Variants in RERG observed in about 807,000 individuals in gnomAD.
RERG encodes the protein ras-related and estrogen-regulated growth inhibitor.
RERG carries 25 observed loss-of-function variants against 23.2 expected under a neutral mutation model. The ratio of observed to expected loss-of-function variants is 1.08; its 90% CI spans 0.79 to 1.50. The LOEUF (loss-of-function observed/expected upper bound fraction) is 1.50. Among genes scored for constraint, RERG ranks in the 40% most tolerant of loss-of-function variants. The pLI, the probability that RERG is intolerant of heterozygous loss-of-function variation, is 0.00. For missense variants in RERG, 253 were observed against 250.1 expected (o/e 1.01, Z -0.08); for synonymous variants, 81 against 89.1 (o/e 0.91, Z 0.51).
intron 2 of RERG, among the ~76,000 whole-genome samples, chr12:15,177,309 C>T (rs577862182): frequency 4.6e-5 from 7 of 152,182 alleles, no homozygotes; most frequent in South Asian, 2.1e-4. Context: ...AAAAATTCAC[C>T]GGATGTGGTG....
At chr12:15,208,547 G>C (rs906887278) in intron 2 of RERG, among the ~76,000 whole-genome samples, 1 of 152,108 alleles carries the variant, frequency 6.6e-6, no homozygotes, top group Non-Finnish European at 1.5e-5. Flanking sequence ...TGAGGCTCTA[G>C]AGGTATAATG....
chr12:15,151,041 T>C (rs1289620537), intron 2 of RERG, among the ~76,000 whole-genome samples: 1 of 152,234 alleles, frequency 6.6e-6, no homozygotes, highest in Non-Finnish European at 1.5e-5. Context: ...CTTAATGCCA[T>C]GCTCCCCTTT....
chr12:15,188,213 G>C lies in RERG; in HGVS notation c.61+29216C>G, dbSNP rs114674815. ...GTTCATGTATTTCCAGCAGTGTTTT[G>C]TTTCTTTCTCACATGGTTGCCTTTA... is the stretch of plus-strand genomic sequence containing the variant. On this transcript the variant is annotated intron_variant, in intron 2 of 4. Transcript: ENST00000256953. Among the ~76,000 whole-genome samples the C allele has an allele frequency of 8.9e-3, 1,347 of 152,202 alleles. 21 individuals are homozygous for C. Among genetic ancestry groups the C allele is most frequent in the African/African-American group, 0.031 (1,276 of 41,540 alleles).
At chr12:15,137,590 T>G (rs1864165453) in intron 2 of RERG, among the ~76,000 whole-genome samples, 1 of 151,850 alleles carries the variant, frequency 6.6e-6, no homozygotes, top group African/African-American at 2.4e-5. Context: ...TGCAAAAAAA[T>G]ATGAATTTAC....
At chr12:15,125,733 C>T (rs1005501471) in intron 2 of RERG, among the ~76,000 whole-genome samples, 11 of 151,776 alleles carry the variant, frequency 7.2e-5, no homozygotes, top group African/African-American at 1.7e-4. Context: ...TTAAGCATGA[C>T]CTCAATTTAA....
chr12:15,132,414 A>G (rs1864064733), intron 2 of RERG, among the ~76,000 whole-genome samples: 1 of 152,192 alleles, frequency 6.6e-6, no homozygotes, highest in South Asian at 2.1e-4. Flanking sequence ...TATTGTATAG[A>G]TATACCACAG....
intron 2 of RERG, among the ~76,000 whole-genome samples, chr12:15,135,908 G>C (rs1864136752): frequency 6.6e-6 from 1 of 152,002 alleles, no homozygotes; most frequent in Non-Finnish European, 1.5e-5. Context: ...GATAATACTG[G>C]CCTCATAGAA....
intron 2 of RERG, among the ~76,000 whole-genome samples, chr12:15,136,958 T>C (rs1223278838): frequency 6.6e-6 from 1 of 151,972 alleles, no homozygotes; most frequent in Non-Finnish European, 1.5e-5. Flanking sequence ...TCCTTACTGA[T>C]TTTCTACCTG....
intron 4 of RERG, 126 bp downstream of exon 4, chr12:15,111,218 A>G (rs1192201445): frequency 4.6e-6 from 3 of 648,784 alleles, no homozygotes; most frequent in Non-Finnish European, 8.2e-6. Context: ...ATGGCTAGTT[A>G]ATTAGAGAAA....
intron 1 of RERG, 146 bp downstream of exon 1, chr12:15,221,049 C>G (rs1245374773): frequency 6.6e-6 from 1 of 152,246 alleles, no homozygotes; most frequent in East Asian, 1.9e-4. Flanking sequence ...GTTCACATCT[C>G]CCTCGCAGCG....
At chr12:15,205,539 C>T (rs1163736315) in intron 2 of RERG, among the ~76,000 whole-genome samples, 1 of 152,020 alleles carries the variant, frequency 6.6e-6, no homozygotes, top group Non-Finnish European at 1.5e-5. Context: ...GCTGAGTCTT[C>T]CTTTAAACCG....
chr12:15,206,914 G>A (rs1221860400), intron 2 of RERG, among the ~76,000 whole-genome samples: 2 of 152,090 alleles, frequency 1.3e-5, no homozygotes, highest in Admixed American at 1.3e-4. Flanking sequence ...GCATGGGAGA[G>A]AGAAACAAGA....
At position 15,221,386 on chromosome 12, in the gene RERG, G is replaced by A. The variant is rs1427417683; in HGVS notation, c.-306C>T. ...TGGCCCGGCGGGGGTCTCCTCACTC[G>A]CGCTCGCTCCGACTAGCGGCGGAGG... On this transcript the variant is annotated 5_prime_UTR_variant, in exon 1 of 5. Transcript: ENST00000256953. 6.6e-6 allele frequency: 1 copy of A among 152,240 alleles called. No individual in the cohort carries two copies. 9.4% of individuals were successfully genotyped at this position (152,240 alleles called of 1,614,324 possible).
At chr12:15,115,557 C>T (rs1020790264) in intron 3 of RERG, among the ~76,000 whole-genome samples, 2 of 152,082 alleles carry the variant, frequency 1.3e-5, no homozygotes, top group African/African-American at 2.4e-5. Context: ...TGAAACAGAG[C>T]GGTATGATTA....
At chr12:15,138,728 T>G (rs547025651) in intron 2 of RERG, among the ~76,000 whole-genome samples, 8 of 152,164 alleles carry the variant, frequency 5.3e-5, no homozygotes, top group Admixed American at 5.2e-4. Context: ...TATGTGTTAT[T>G]TGCTTTGTGA....
At chr12:15,153,949 G>C (rs1239330045) in intron 2 of RERG, among the ~76,000 whole-genome samples, 1 of 152,154 alleles carries the variant, frequency 6.6e-6, no homozygotes, top group Non-Finnish European at 1.5e-5. Flanking sequence ...CACAGAGACA[G>C]ACACACACAG....
Position 15,109,508 on chromosome 12 carries a change from T to C in RERG, c.202A>G (p.Ile68Val). 1.3e-6 allele frequency: 2 copies of C among 1,596,992 alleles called. No individual in the cohort carries two copies. Among genetic ancestry groups the C allele is most frequent in the Non-Finnish European group, 1.7e-6 (2 of 1,169,300 alleles). ...CATCGCATGTGCCCCTCCCTCTGAA[T>C]GGTATCTTCCTGTTGGCAAAGAAAA... ...ILDTAGQEDT[I>V]QREGHMRWGE... The change falls in exon 5 of 5, where the codon ATT becomes GTT. Residue 68 changes from isoleucine to valine, a missense_variant. Physicochemically the swap from Ile to Val is conservative, Grantham distance 29. Coordinates refer to ENST00000256953, the MANE Select transcript of RERG (RefSeq NM_032918.3).
Position 15,214,019 on chromosome 12 carries a change from TGTGTGTGTGTGTGTGTGTGCGC to T in RERG, c.61+3388_61+3409del, listed in dbSNP as rs1428716731. The stretch of plus-strand genomic sequence containing the variant: ...GTATGTGTGTGTGTGTGTGTGTGTG[TGTGTGTGTGTGTGTGTGTGCGC>T]GTGTGTGGAGTTTTTACCTTATAAG... On this transcript the variant is annotated intron_variant, in intron 2 of 4. Coordinates refer to ENST00000256953, the MANE Select transcript of RERG (RefSeq NM_032918.3). Among the ~76,000 whole-genome samples, 104 of 133,142 alleles carry T rather than the reference TGTGTGTGTGTGTGTGTGTGCGC, an allele frequency of 7.8e-4. 1 individual carries two copies. The highest frequency in any genetic ancestry group is 3.2e-3 in the South Asian group (14 of 4,322). 87.3% of individuals were successfully genotyped at this position (133,142 alleles called of 152,430 possible). A position where few individuals can be genotyped will look rare whatever the true frequency, so the allele number is the denominator to read the frequency against.
intron 2 of RERG, among the ~76,000 whole-genome samples, chr12:15,207,102 G>A (rs1369045638): frequency 1.3e-5 from 2 of 152,058 alleles, no homozygotes; most frequent in Non-Finnish European, 2.9e-5. Flanking sequence ...CCAGTTGTAA[G>A]TTACCCAAAA....
Sources: gnomAD v4.1 joint callset for allele counts (sites outside exome capture counted in the v4.1 genomes callset) on GRCh38, gnomAD v4.1.1 for gene constraint, MANE v1.5 for transcripts, NCBI Gene and HGNC (gene_info 2026-07-23, HGNC 2026-07-21) for gene names.